The following ANO5 variants were observed in gnomAD, a reference collection of about 807,000 sequenced individuals.
ANO5 encodes anoctamin 5, also known as anoctamin-5.
ANO5 carries 109 observed loss-of-function variants against 121.0 expected under a neutral mutation model. The ratio of observed to expected loss-of-function variants is 0.90; its 90% confidence interval spans 0.77 to 1.06. The LOEUF (loss-of-function observed/expected upper bound fraction) is 1.06, where lower values mean the gene tolerates loss of function less well. ANO5 is among the 50% of genes least tolerant of loss of function. The pLI is 0.00. For synonymous variants in ANO5, 406 were observed against 359.9 expected (o/e 1.13, Z -1.45); for missense variants, 1,064 against 1,078.5 (o/e 0.99, Z 0.19).
At chr11:22,195,005 C>T (rs1469597788) in intron 1 of ANO5, among the ~76,000 whole-genome samples, 1 of 152,134 alleles carries the variant, frequency 6.6e-6, no homozygotes, top group Non-Finnish European at 1.5e-5. Context: ...TTTTAAGAAA[C>T]TGCCAAACTG....
intron 2 of ANO5, among the ~76,000 whole-genome samples, chr11:22,206,846 C>T (rs1168611244): frequency 2.6e-5 from 4 of 151,978 alleles, no homozygotes; most frequent in Non-Finnish European, 5.9e-5. Flanking sequence ...ACACTTTCTT[C>T]GTAAGATCAG....
Position 22,257,735 on chromosome 11 carries a change from G to A in ANO5, c.1388G>A (p.Gly463Glu), listed in dbSNP as rs1854050845. 1.2e-6 allele frequency: 2 copies of A among 1,611,806 alleles called. No individual in the cohort carries two copies. Among genetic ancestry groups the A allele is most frequent in the African/African-American group, 2.7e-5 (2 of 74,938 alleles). The stretch of plus-strand genomic sequence containing the variant: ...CGTATTCCATGGTACTTTCTTTCAG[G>A]AGCCACAGTGACATTATGGGTGAGC... ...YTRIPWYFLS[G>E]ATVTLWMSLV... The change falls in exon 14 of 22, where the codon GGA (glycine) becomes GAA (glutamate). Residue 463 changes from glycine to glutamate, a missense_variant. Physicochemically the swap from Gly to Glu is moderately conservative, Grantham distance 98. Coordinates refer to ENST00000324559, the MANE Select transcript of ANO5 (RefSeq NM_213599.3).
chr11:22,251,284 A>G (rs932441198), intron 12 of ANO5, among the ~76,000 whole-genome samples: 5 of 152,228 alleles, frequency 3.3e-5, no homozygotes, highest in African/African-American at 7.2e-5. Flanking sequence ...TTTCAGTGCC[A>G]TGTTAAAAAC....
chr11:22,214,515 A>G (rs1381636783), intron 3 of ANO5, among the ~76,000 whole-genome samples: 1 of 151,954 alleles, frequency 6.6e-6, no homozygotes, highest in Non-Finnish European at 1.5e-5. Flanking sequence ...CTCAGCATAT[A>G]TAGGTGTAGT....
rs577744541 is a variant in ANO5, at chr11:22,245,303, C to G, written c.879-4934C>G. 1.2e-4 allele frequency among the ~76,000 whole-genome samples: 19 copies of G among 152,302 alleles called. No individual in the cohort carries two copies. In the South Asian group the frequency reaches 2.7e-3, roughly 22 times the overall value. On this transcript the variant is annotated intron_variant, in intron 9 of 21. Coordinates refer to ENST00000324559, the MANE Select transcript of ANO5 (RefSeq NM_213599.3). ...ACCCTCTCTCCTTGCTGGTATGCTT[C>G]GGGATCCTGGGGGAGACCCCTCTGA...
intron 2 of ANO5, among the ~76,000 whole-genome samples, chr11:22,206,734 C>G (rs910085844): frequency 6.6e-6 from 1 of 152,012 alleles, no homozygotes; most frequent in African/African-American, 2.4e-5. Context: ...AAAATAAACA[C>G]AAACTCTCAG....
intron 18 of ANO5, among the ~76,000 whole-genome samples, chr11:22,272,264 A>G (rs1219015085): frequency 6.6e-6 from 1 of 150,868 alleles, no homozygotes; most frequent in Non-Finnish European, 1.5e-5. Context: ...AGACCTTAAC[A>G]AATTTCTTAT....
chr11:22,272,011 C>T (rs931817819), intron 18 of ANO5, among the ~76,000 whole-genome samples: 9 of 152,018 alleles, frequency 5.9e-5, no homozygotes, highest in Admixed American at 2.6e-4. Context: ...GGAGGAATAA[C>T]GGAAATTTTT....
At chr11:22,226,895 T>G (rs900603520) in intron 6 of ANO5, among the ~76,000 whole-genome samples, 1 of 152,158 alleles carries the variant, frequency 6.6e-6, no homozygotes, top group Non-Finnish European at 1.5e-5. Flanking sequence ...CGTTTTACAG[T>G]TTATATGTAT....
intron 3 of ANO5, among the ~76,000 whole-genome samples, chr11:22,212,707 C>T (rs1852319448): frequency 6.6e-6 from 1 of 151,764 alleles, no homozygotes; most frequent in Non-Finnish European, 1.5e-5. Flanking sequence ...TTTAAAATTG[C>T]ATTTCTCACA....
chr11:22,228,731 T>C (rs1852931888), intron 7 of ANO5, among the ~76,000 whole-genome samples: 1 of 151,970 alleles, frequency 6.6e-6, no homozygotes, highest in African/African-American at 2.4e-5. Context: ...ATGGCTGAGA[T>C]CATATGGTGT....
chr11:22,209,892 C>G (rs1852226169), intron 2 of ANO5, among the ~76,000 whole-genome samples: 1 of 151,708 alleles, frequency 6.6e-6, no homozygotes, highest in Non-Finnish European at 1.5e-5. Flanking sequence ...TAACATTTCT[C>G]TAGGATAATT....
chr11:22,200,657 A>G (rs1401791839), intron 1 of ANO5, among the ~76,000 whole-genome samples: 2 of 152,216 alleles, frequency 1.3e-5, no homozygotes, highest in African/African-American at 4.8e-5. Flanking sequence ...TGATGGCACC[A>G]GCAGTTTTAT....
intron 15 of ANO5, among the ~76,000 whole-genome samples, chr11:22,260,708 T>G (rs542959249): frequency 2.4e-4 from 36 of 152,308 alleles, no homozygotes; most frequent in Non-Finnish European, 4.9e-4. Context: ...GGGAGTTATC[T>G]GTGTCTTTAA....
At chr11:22,275,276 G>A (rs1372414116) in intron 20 of ANO5, among the ~76,000 whole-genome samples, 1 of 151,062 alleles carries the variant, frequency 6.6e-6, no homozygotes, top group African/African-American at 2.4e-5. Context: ...AGTGTATCAT[G>A]TACTGTGGGA....
At chr11:22,202,136 A>T (rs982924205) in intron 1 of ANO5, among the ~76,000 whole-genome samples, 19 of 151,962 alleles carry the variant, frequency 1.3e-4, no homozygotes, top group African/African-American at 4.4e-4. Context: ...TATACTAGCA[A>T]AGCTATGACC....
At chr11:22,204,412 T>C (rs1172106933) in intron 2 of ANO5, among the ~76,000 whole-genome samples, 1 of 152,168 alleles carries the variant, frequency 6.6e-6, no homozygotes, top group African/African-American at 2.4e-5. Context: ...AATGAAATCA[T>C]TTTTCTGATA....
Position 22,259,671 on chromosome 11 carries a change from C to G in ANO5, c.1560C>G (p.Cys520Trp), listed in dbSNP as rs1161144098. ...TAACCACATCACTCACAGGATCATGCTTGAACTTTATTGTCATCTTGATCT... is the reference window on the plus strand; with the variant it reads ...TAACCACATCACTCACAGGATCATGGTTGAACTTTATTGTCATCTTGATCT... ...PQITTSLTGSCLNFIVILILN... is the reference protein window; with the variant it reads ...PQITTSLTGSWLNFIVILILN... Residue 520 changes from cysteine to tryptophan, a missense_variant, in exon 15 of 22, where the codon TGC (cysteine) becomes TGG (tryptophan). Physicochemically the swap from Cys to Trp is radical, Grantham distance 215 (BLOSUM62 -2). Coordinates refer to ENST00000324559, the MANE Select transcript of ANO5 (RefSeq NM_213599.3). 6.2e-7 allele frequency: 1 copy of G among 1,614,052 alleles called. No individual in the cohort carries two copies. Among genetic ancestry groups the G allele is most frequent in the South Asian group, 1.1e-5 (1 of 91,082 alleles).
intron 2 of ANO5, among the ~76,000 whole-genome samples, chr11:22,205,761 A>C (rs1468733315): frequency 6.6e-6 from 1 of 152,106 alleles, no homozygotes; most frequent in Non-Finnish European, 1.5e-5. Flanking sequence ...TATGTAACCA[A>C]TATCGGGAAT....
Sources: allele counts gnomAD v4.1 joint callset (sites outside exome capture counted in the v4.1 genomes callset), GRCh38; gene constraint gnomAD v4.1.1; transcripts MANE v1.5; gene names NCBI Gene and HGNC (gene_info 2026-07-23, HGNC 2026-07-21).